DUSP16: variants seen among roughly 807,000 people sequenced by gnomAD.
DUSP16 encodes the protein dual specificity phosphatase 16.
Under a neutral mutation model 58.3 loss-of-function variants are expected in DUSP16, and 21 were observed. The ratio of observed to expected loss-of-function variants is 0.36; its 90% confidence interval spans 0.26 to 0.52. The LOEUF (loss-of-function observed/expected upper bound fraction) is 0.52. Among genes scored for constraint, DUSP16 ranks in the 20% least tolerant of loss-of-function variants. The probability of loss-of-function intolerance (pLI) is 0.94; values close to 1 mark genes in which losing one functional copy is unlikely to be tolerated. For missense variants in DUSP16, 726 were observed against 819.0 expected, an observed-to-expected ratio of 0.89 and a Z score of 1.39; for synonymous variants, 320 against 323.8, an observed-to-expected ratio of 0.99 and a Z score of 0.12.
intron 4 of DUSP16, among the ~76,000 whole-genome samples, chr12:12,488,161 A>G (rs576069026): frequency 5.9e-5 from 9 of 151,742 alleles, no homozygotes; most frequent in Non-Finnish European, 1.2e-4. Flanking sequence ...CCCATATAGC[A>G]CCCCCAACGT....
At chr12:12,524,371 G>T (rs1184375041) in intron 1 of DUSP16, among the ~76,000 whole-genome samples, 2 of 152,188 alleles carry the variant, frequency 1.3e-5, no homozygotes, top group Non-Finnish European at 2.9e-5. Flanking sequence ...TCATGCCCAA[G>T]GTCTAATTCT....
At chr12:12,506,489 T>C (rs570587175) in intron 3 of DUSP16, among the ~76,000 whole-genome samples, 1 of 152,216 alleles carries the variant, frequency 6.6e-6, no homozygotes, top group Non-Finnish European at 1.5e-5. Context: ...TTGCGCCTAT[T>C]TTTTAAAGTT....
intron 1 of DUSP16, among the ~76,000 whole-genome samples, chr12:12,534,275 C>T (rs1004468622): frequency 2.0e-5 from 3 of 152,170 alleles, no homozygotes; most frequent in Non-Finnish European, 1.5e-5. Flanking sequence ...TGCATCTGTC[C>T]GCACACTTCC....
chr12:12,550,022 T>A (rs1339889400), intron 1 of DUSP16, among the ~76,000 whole-genome samples: 1 of 152,090 alleles, frequency 6.6e-6, no homozygotes, highest in Non-Finnish European at 1.5e-5. Flanking sequence ...CCAGGCGCAG[T>A]GGCACTCTGG....
intron 4 of DUSP16, among the ~76,000 whole-genome samples, chr12:12,492,644 T>G (rs928621035): frequency 1.3e-5 from 2 of 152,030 alleles, no homozygotes; most frequent in Admixed American, 1.3e-4. Context: ...TTACCCCATA[T>G]CTTTGAAATT....
At chr12:12,517,005 G>T (rs1398724169) in intron 3 of DUSP16, among the ~76,000 whole-genome samples, 1 of 152,128 alleles carries the variant, frequency 6.6e-6, no homozygotes, top group East Asian at 1.9e-4. Flanking sequence ...GGTCCTCCAG[G>T]TAAGTGTCAG....
chr12:12,531,689 G>A (rs1218483924), intron 1 of DUSP16, among the ~76,000 whole-genome samples: 1 of 152,082 alleles, frequency 6.6e-6, no homozygotes, highest in Non-Finnish European at 1.5e-5. Flanking sequence ...TGGCCAACAG[G>A]GCGAAACCCC....
At chr12:12,517,624 T>C (rs1043748225) in intron 3 of DUSP16, among the ~76,000 whole-genome samples, 2 of 152,166 alleles carry the variant, frequency 1.3e-5, no homozygotes, top group African/African-American at 2.4e-5. Context: ...CCAATTGCTT[T>C]TGGATGATTG....
intron 5 of DUSP16, among the ~76,000 whole-genome samples, chr12:12,486,595 TAAATG>T (rs1458229236): frequency 1.3e-5 from 2 of 151,838 alleles, no homozygotes; most frequent in Non-Finnish European, 2.9e-5. Flanking sequence ...CATAAAGACT[TAAATG>T]TAATGGGATT....
chr12:12,511,586 C>T (rs1944080224), intron 3 of DUSP16, among the ~76,000 whole-genome samples: 1 of 152,134 alleles, frequency 6.6e-6, no homozygotes, highest in African/African-American at 2.4e-5. Flanking sequence ...AATTCCACTG[C>T]CCTAATCAAG....
At chr12:12,511,652 T>C (rs1944081004) in intron 3 of DUSP16, among the ~76,000 whole-genome samples, 1 of 152,196 alleles carries the variant, frequency 6.6e-6, no homozygotes, top group Non-Finnish European at 1.5e-5. Flanking sequence ...GTATCATACA[T>C]TTTAGCAAAT....
At chr12:12,485,683 G>C (rs1943668715) in intron 5 of DUSP16, among the ~76,000 whole-genome samples, 3 of 151,594 alleles carry the variant, frequency 2.0e-5, no homozygotes, top group Non-Finnish European at 4.4e-5. Context: ...GTTTTGCTAT[G>C]TTGCCCAAGC....
chr12:12,512,813 A>C (rs944039320), intron 3 of DUSP16, among the ~76,000 whole-genome samples: 6 of 152,176 alleles, frequency 3.9e-5, no homozygotes, highest in African/African-American at 1.4e-4. Context: ...CATTAATTTC[A>C]ATCTCATTTA....
At chr12:12,514,666 A>C (rs1448463225) in intron 3 of DUSP16, among the ~76,000 whole-genome samples, 1 of 151,952 alleles carries the variant, frequency 6.6e-6, no homozygotes, top group African/African-American at 2.4e-5. Flanking sequence ...TACCTTGTGT[A>C]ATTTCTTTTT....
chr12:12,507,271 T>A (rs1380536508), intron 3 of DUSP16, among the ~76,000 whole-genome samples: 1 of 152,176 alleles, frequency 6.6e-6, no homozygotes, highest in African/African-American at 2.4e-5. Flanking sequence ...AATAGATCCC[T>A]CTCCTTTTAG....
At chr12:12,478,167 T>G in intron 6 of DUSP16, 152 bp from the exon 7 acceptor site, 1 of 743,708 alleles carries the variant, frequency 1.3e-6, no homozygotes. Context: ...TGCTTCAAGG[T>G]GGAGAATACA....
At chr12:12,485,152 G>C (rs745656694) in intron 5 of DUSP16, among the ~76,000 whole-genome samples, 3 of 151,970 alleles carry the variant, frequency 2.0e-5, no homozygotes, top group Non-Finnish European at 4.4e-5. Flanking sequence ...TGGGACTACA[G>C]GCATGTGCCA....
At chr12:12,556,385 C>T (rs1200078562) in intron 1 of DUSP16, among the ~76,000 whole-genome samples, 1 of 151,852 alleles carries the variant, frequency 6.6e-6, no homozygotes, top group Non-Finnish European at 1.5e-5. Flanking sequence ...AAGTGAGACC[C>T]CCATCTCTAT....
At chr12:12,501,488 AAGG>A (rs1322873837) in intron 3 of DUSP16, among the ~76,000 whole-genome samples, 3 of 152,336 alleles carry the variant, frequency 2.0e-5, no homozygotes, top group African/African-American at 7.2e-5. Flanking sequence ...TATGTAGCCA[AAGG>A]AGGTGCTTTC....
Sources: allele counts gnomAD v4.1 joint callset (sites outside exome capture counted in the v4.1 genomes callset), GRCh38; gene constraint gnomAD v4.1.1; transcripts MANE v1.5; gene names NCBI Gene and HGNC (gene_info 2026-07-23, HGNC 2026-07-21).